The following PRTG variants were observed in gnomAD, a reference collection of about 807,000 sequenced individuals.
PRTG encodes the protein protogenin.
PRTG carries 67 observed loss-of-function variants against 122.5 expected under a neutral mutation model. The observed-to-expected ratio is 0.55, with a 90% CI of 0.45 to 0.67. The LOEUF is 0.67. PRTG is among the 30% of genes least tolerant of loss of function. The pLI, the probability that PRTG is intolerant of heterozygous loss-of-function variation, is 0.00. For synonymous variants in PRTG, 554 were observed against 501.1 expected (o/e 1.11, Z -1.41); for missense variants, 1,435 against 1,415.4 (o/e 1.01, Z -0.22).
At chr15:55,654,520 G>T (rs903833937) in intron 11 of PRTG, among the ~76,000 whole-genome samples, 4 of 152,164 alleles carry the variant, frequency 2.6e-5, no homozygotes, top group African/African-American at 9.7e-5. Context: ...GTTTAAAGTT[G>T]TTACATCAGA....
intron 11 of PRTG, among the ~76,000 whole-genome samples, chr15:55,651,580 G>A (rs2059353421): frequency 6.6e-6 from 1 of 152,118 alleles, no homozygotes; most frequent in Non-Finnish European, 1.5e-5. Flanking sequence ...AAACTTTATG[G>A]ACTCTTTGTT....
At position 55,680,206 on chromosome 15, in the gene PRTG, T is replaced by G; in HGVS notation, c.821A>C (p.Lys274Thr). 1 of 1,607,774 alleles carries G rather than the reference T, an allele frequency of 6.2e-7. No individual in the cohort carries two copies. Residue 274 changes from lysine to threonine, a missense_variant, in exon 6 of 20, where the codon AAA becomes ACA. Coordinates refer to ENST00000389286, the MANE Select transcript of PRTG (RefSeq NM_173814.6). Reference protein sequence around the residue: ...PIISWSRLDHKSIDVFNTRVL... With the variant: ...PIISWSRLDHTSIDVFNTRVL... Reference sequence around the variant, plus strand: ...CCGAGTATTAAAGACATCAATGGATTTGTGATCTATTTCAAAGAGAATACT... The same window carrying G: ...CCGAGTATTAAAGACATCAATGGATGTGTGATCTATTTCAAAGAGAATACT...
intron 2 of PRTG, among the ~76,000 whole-genome samples, chr15:55,684,529 TGAA>T (rs1243172875): frequency 1.3e-5 from 2 of 152,176 alleles, no homozygotes; most frequent in Non-Finnish European, 2.9e-5. Flanking sequence ...ATGGGAAAGC[TGAA>T]GAAGAATACA....
chr15:55,702,776 T>C (rs1019795975), intron 2 of PRTG: 7 of 246,938 alleles, frequency 2.8e-5, no homozygotes, highest in Non-Finnish European at 4.5e-5. Context: ...AGAGTTGGTA[T>C]CAGTAAGCAT....
At chr15:55,689,278 C>T (rs948627949) in intron 2 of PRTG, among the ~76,000 whole-genome samples, 2 of 152,154 alleles carry the variant, frequency 1.3e-5, no homozygotes, top group Non-Finnish European at 2.9e-5. Context: ...ATTGTAAATG[C>T]TGTCAAAAAG....
chr15:55,701,948 A>G (rs1037110128), intron 2 of PRTG, among the ~76,000 whole-genome samples: 1 of 152,172 alleles, frequency 6.6e-6, no homozygotes, highest in African/African-American at 2.4e-5. Context: ...GGTTATGACT[A>G]TATAGTACAG....
At position 55,638,142 on chromosome 15, in the gene PRTG, C is replaced by T. The variant is rs1465567933; in HGVS notation, c.2452+407G>A. The stretch of plus-strand genomic sequence containing the variant: ...TAAGCTACAGAATTGGTGCTCAATC[C>T]GATATACAAATTGCACTGTGCACAC... On this transcript the variant is annotated intron_variant, in intron 14 of 19. Transcript: ENST00000389286. Among the ~76,000 whole-genome samples the T allele has an allele frequency of 2.6e-5, 4 of 152,062 alleles. 1 individual carries two copies. Among genetic ancestry groups the T allele is most frequent in the African/African-American group, 9.7e-5 (4 of 41,422 alleles).
chr15:55,675,286 T>G (rs1335695859), intron 9 of PRTG, among the ~76,000 whole-genome samples: 2 of 152,100 alleles, frequency 1.3e-5, no homozygotes, highest in Non-Finnish European at 2.9e-5. Flanking sequence ...CTAGTAACCT[T>G]TGAAGAAATA....
chr15:55,691,680 CAAAA>C, intron 2 of PRTG, among the ~76,000 whole-genome samples: 1 of 85,808 alleles, frequency 1.2e-5, no homozygotes. Flanking sequence ...GACTCCATCT[CAAAA>C]AAAAAAAAAA....
At chr15:55,626,048 G>A (rs1256328351) in intron 17 of PRTG, among the ~76,000 whole-genome samples, 1 of 152,142 alleles carries the variant, frequency 6.6e-6, no homozygotes, top group Non-Finnish European at 1.5e-5. Context: ...ATACCACCAT[G>A]CCTGCACAAG....
intron 2 of PRTG, among the ~76,000 whole-genome samples, chr15:55,701,795 A>G (rs1290606709): frequency 6.6e-6 from 1 of 152,240 alleles, no homozygotes. Flanking sequence ...AGTCTTAACA[A>G]TATAGATCAA....
chr15:55,692,140 T>C (rs1270963494), intron 2 of PRTG, among the ~76,000 whole-genome samples: 2 of 152,148 alleles, frequency 1.3e-5, no homozygotes, highest in Non-Finnish European at 2.9e-5. Flanking sequence ...AAAAAACAAA[T>C]CTCTTTTTTA....
At chr15:55,735,533 C>G (rs573004816) in intron 2 of PRTG, among the ~76,000 whole-genome samples, 2 of 151,764 alleles carry the variant, frequency 1.3e-5, no homozygotes, top group South Asian at 2.1e-4. Flanking sequence ...CCAGAGCAAA[C>G]GACCACTGAG....
chr15:55,727,962 T>A (rs1303016402), intron 2 of PRTG, among the ~76,000 whole-genome samples: 1 of 152,074 alleles, frequency 6.6e-6, no homozygotes, highest in African/African-American at 2.4e-5. Flanking sequence ...CCTCCCAGGT[T>A]CAAGCGATCC....
chr15:55,724,885 T>C (rs1294124461), intron 2 of PRTG, among the ~76,000 whole-genome samples: 2 of 152,218 alleles, frequency 1.3e-5, no homozygotes, highest in African/African-American at 2.4e-5. Context: ...AGGCAACTCA[T>C]TACCATTGAC....
At chr15:55,735,718 T>TTAAA (rs1555438265) in intron 2 of PRTG, among the ~76,000 whole-genome samples, 2 of 114,306 alleles carry the variant, frequency 1.7e-5, no homozygotes, top group African/African-American at 3.4e-5. Context: ...CATGCTTTGC[T>TTAAA]AAAAAAAAAA....
intron 2 of PRTG, among the ~76,000 whole-genome samples, chr15:55,711,559 CAA>C (rs1383635524): frequency 1.3e-5 from 2 of 152,138 alleles, no homozygotes; most frequent in South Asian, 4.1e-4. Flanking sequence ...TGGAACTTGC[CAA>C]AGACATGTGA....
chr15:55,683,484 A>T (rs2059552816), intron 3 of PRTG, among the ~76,000 whole-genome samples: 1 of 152,132 alleles, frequency 6.6e-6, no homozygotes, highest in Non-Finnish European at 1.5e-5. Context: ...CAGCAATGAG[A>T]GTGTAATCTG....
chr15:55,715,553 A>C (rs2030569449), intron 2 of PRTG, among the ~76,000 whole-genome samples: 1 of 152,214 alleles, frequency 6.6e-6, no homozygotes, highest in Non-Finnish European at 1.5e-5. Flanking sequence ...CGGATACTTT[A>C]GTGTTTGCAA....
Sources: gnomAD v4.1 joint callset for allele counts (sites outside exome capture counted in the v4.1 genomes callset) on GRCh38, gnomAD v4.1.1 for gene constraint, MANE v1.5 for transcripts, NCBI Gene and HGNC (gene_info 2026-07-23, HGNC 2026-07-21) for gene names.